Variants in TTBK1 observed in about 807,000 individuals in gnomAD.
TTBK1 encodes the protein tau tubulin kinase 1.
In TTBK1, 34 loss-of-function variants were observed where a neutral mutation model predicts 108.5. The observed-to-expected ratio is 0.31, with a 90% CI of 0.24 to 0.42. The LOEUF (loss-of-function observed/expected upper bound fraction) is 0.42. Ranked by LOEUF, TTBK1 falls within the 10% of genes least tolerant of loss-of-function variation. TTBK1 has a pLI of 1.00. For missense variants in TTBK1, 1,539 were observed against 1,826.0 expected, an observed-to-expected ratio of 0.84 and a Z score of 2.86; for synonymous variants, 809 against 795.1, an observed-to-expected ratio of 1.02 and a Z score of -0.29.
At chr6:43,248,540 C>T (rs1454588976) in intron 2 of TTBK1, among the ~76,000 whole-genome samples, 4 of 152,026 alleles carry the variant, frequency 2.6e-5, no homozygotes, top group Admixed American at 2.6e-4. Context: ...CTGGCCAACA[C>T]GGTGAAACCT....
At position 43,253,859 on chromosome 6, in the gene TTBK1, C is replaced by A; in HGVS notation, c.471+151C>A. Reference sequence around the variant, plus strand: ...CCCAAGCCCCTCCTGCTCTCCTTCCCAGGCCCCATCTCTTCCTCTCCCGTG... The same window carrying A: ...CCCAAGCCCCTCCTGCTCTCCTTCCAAGGCCCCATCTCTTCCTCTCCCGTG... On this transcript the variant is annotated intron_variant, in intron 5 of 14. Coordinates refer to ENST00000259750, the MANE Select transcript of TTBK1 (RefSeq NM_032538.3). This position sits in a 1 kb window ranked among gnomAD's most constrained non-coding sequence, Gnocchi z 5.8. 1 of 1,069,582 alleles carries A rather than the reference C, an allele frequency of 9.3e-7. No individual in the cohort carries two copies. The highest frequency in any genetic ancestry group is 1.3e-6 in the Non-Finnish European group (1 of 767,610). 66.3% of individuals were successfully genotyped at this position (1,069,582 alleles called of 1,614,324 possible).
In TTBK1 at chr6:43,285,168, C is replaced by G. The variant is rs201901651; in HGVS notation, c.3758C>G (p.Ser1253Cys). The change falls in exon 15 of 15, where the codon TCC (serine) becomes TGC (cysteine). Residue 1253 changes from serine (S) to cysteine (C), a missense_variant. By Grantham distance (112) the Ser-to-Cys change is moderately radical. Around this residue, in one of 5 missense-constraint regions of TTBK1, gnomAD observed 1,055 missense variants for 1,086.5 expected, o/e 0.97. Coordinates refer to ENST00000259750, the MANE Select transcript of TTBK1 (RefSeq NM_032538.3). This position sits in a 1 kb window ranked among gnomAD's most constrained non-coding sequence, Gnocchi z 4.7. ...RNASASPRSQ[S>C]LSRRESPSPS... ...GCCAGCGCGTCCCCCCGGAGCCAGTCCCTGTCCCGCAGAGAGAGCCCCTCC... is the reference window on the plus strand; with the variant it reads ...GCCAGCGCGTCCCCCCGGAGCCAGTGCCTGTCCCGCAGAGAGAGCCCCTCC... The G allele has an allele frequency of 4.3e-6, 6 of 1,400,882 alleles. No homozygotes were observed. In the East Asian group the frequency reaches 1.8e-4, roughly 43 times the overall value. The allele number at this position is 1,400,882 out of a possible 1,614,324, so 86.8% of individuals were successfully genotyped here.
intron 2 of TTBK1, among the ~76,000 whole-genome samples, chr6:43,251,399 C>T (rs1777235917): frequency 6.6e-6 from 1 of 152,226 alleles, no homozygotes; most frequent in Admixed American, 6.5e-5. Flanking sequence ...AGGCAGCTCC[C>T]CGAGGGGGTG....
rs1435157195 is a variant in TTBK1, at chr6:43,282,797, A to G, written c.2057A>G (p.Gln686Arg). ...GCTGTGCCTCTGAGTCTGCCCTACC[A>G]GGACTTCAAAAGAGACCTCTCCGAT... ...PRAVPLSLPY[Q>R]DFKRDLSDYR... is the part of the protein sequence containing the mutation. Residue 686 changes from glutamine to arginine, a missense_variant, in exon 14 of 15, where the codon CAG (glutamine) becomes CGG (arginine). Gln to Arg is a conservative substitution (Grantham distance 43, BLOSUM62 1). Around this residue, in one of 5 missense-constraint regions of TTBK1, gnomAD observed 1,055 missense variants for 1,086.5 expected, o/e 0.97. Coordinates refer to ENST00000259750, the MANE Select transcript of TTBK1 (RefSeq NM_032538.3). This position sits in a 1 kb window ranked among gnomAD's most constrained non-coding sequence, Gnocchi z 5.4. 6.2e-7 allele frequency: 1 copy of G among 1,613,984 alleles called. No homozygotes were observed. The highest frequency in any genetic ancestry group is 8.5e-7 in the Non-Finnish European group (1 of 1,179,960).
rs755972016 is a variant in TTBK1, at chr6:43,285,066, G to A, written c.3656G>A (p.Gly1219Glu). The change falls in exon 15 of 15, where the codon GGG (glycine) becomes GAG (glutamate). Residue 1219 changes from glycine (G) to glutamate (E), a missense_variant. This residue lies in a region of TTBK1 where 1,055 missense variants were observed against 1,086.5 expected (regional missense o/e 0.97). Coordinates refer to ENST00000259750, the MANE Select transcript of TTBK1 (RefSeq NM_032538.3). This position sits in a 1 kb window ranked among gnomAD's most constrained non-coding sequence, Gnocchi z 4.7. ...CCTCCTGGCCGCGGCCTGGGCCCAG[G>A]GCGAGCCCAAGCCGGAGCCAGGCCC... ...KQPPGRGLGPGRAQAGARPPA... is the reference protein window; with the variant it reads ...KQPPGRGLGPERAQAGARPPA... 7.3e-6 allele frequency: 11 copies of A among 1,500,916 alleles called. No homozygotes were observed. In the South Asian group the frequency reaches 1.2e-4, roughly 17 times the overall value. 93.0% of individuals were successfully genotyped at this position (1,500,916 alleles called of 1,614,324 possible). A position where few individuals can be genotyped will look rare whatever the true frequency, so the allele number is the denominator to read the frequency against.
chr6:43,285,265 C>T lies in TTBK1; in HGVS notation c.3855C>T (p.Gly1285=). 7.7e-7 allele frequency: 1 copy of T among 1,293,506 alleles called. No homozygotes were observed. Among genetic ancestry groups the T allele is most frequent in the Non-Finnish European group, 9.8e-7 (1 of 1,024,444 alleles). The allele number at this position is 1,293,506 out of a possible 1,614,324, so 80.1% of individuals were successfully genotyped here. ...GVPPARAQPD[G]TPSPGGSKKG... is the part of the protein sequence containing the mutation. ...CGCCGGCCCGGGCCCAGCCTGATGG[C>T]ACCCCCTCCCCCGGGGGCTCCAAGA... Residue 1285 remains glycine, a synonymous_variant, in exon 15 of 15, where the codon GGC becomes GGT. Transcript: ENST00000259750. The surrounding 1 kb of genome is among the most constrained non-coding windows in gnomAD (Gnocchi z 4.7).
chr6:43,271,866 G>GCCCCAC, intron 13 of TTBK1: 6 of 979,726 alleles, frequency 6.1e-6, no homozygotes, highest in Non-Finnish European at 7.3e-6. Flanking sequence ...TAATACTTGT[G>GCCCCAC]CCCCACCCCC....
chr6:43,258,032 C>T, intron 10 of TTBK1, 66 bp downstream of exon 10: 2 of 1,520,166 alleles, frequency 1.3e-6, no homozygotes, highest in Non-Finnish European at 8.9e-7. Flanking sequence ...GCAGGCGGTC[C>T]TCTCCTCTCC....
In TTBK1 at chr6:43,276,918, C is replaced by T. The variant is rs554379627; in HGVS notation, c.1987-5809C>T. On this transcript the variant is annotated intron_variant, in intron 13 of 14. Transcript: ENST00000259750. The surrounding 1 kb of genome is among the most constrained non-coding windows in gnomAD (Gnocchi z 5.4). ...GTCACCCTTGCCCTGCTGGCAGTCT[C>T]CTTTCACTGAACGGGTGGGGAGGGA... 5.3e-4 allele frequency among the ~76,000 whole-genome samples: 80 copies of T among 152,290 alleles called. No homozygotes were observed. Among genetic ancestry groups the T allele is most frequent in the Non-Finnish European group, 1.1e-3 (72 of 68,022 alleles).
chr6:43,276,527 G>A lies in TTBK1; in HGVS notation c.1987-6200G>A, dbSNP rs995130797. Reference sequence around the variant, plus strand: ...CACCCACGCGCACACGGCCGCGCACGGGCGGGGAGGGGGCGCCCCGCCGTC... The same window carrying A: ...CACCCACGCGCACACGGCCGCGCACAGGCGGGGAGGGGGCGCCCCGCCGTC... On this transcript the variant is annotated intron_variant, in intron 13 of 14. Coordinates refer to ENST00000259750, the MANE Select transcript of TTBK1 (RefSeq NM_032538.3). This position sits in a 1 kb window ranked among gnomAD's most constrained non-coding sequence, Gnocchi z 5.4. Among the ~76,000 whole-genome samples, 5 of 152,052 alleles carry A rather than the reference G, an allele frequency of 3.3e-5. No individual in the cohort carries two copies. The highest frequency in any genetic ancestry group is 7.4e-5 in the Non-Finnish European group (5 of 67,978).
chr6:43,251,036 C>G (rs1777224772), intron 2 of TTBK1, among the ~76,000 whole-genome samples: 1 of 152,202 alleles, frequency 6.6e-6, no homozygotes, highest in Non-Finnish European at 1.5e-5. Context: ...CACTGTTCTT[C>G]CTCCTTCCTC....
chr6:43,251,922 T>A (rs1166669850), intron 2 of TTBK1, among the ~76,000 whole-genome samples: 1 of 152,142 alleles, frequency 6.6e-6, no homozygotes, highest in Non-Finnish European at 1.5e-5. Flanking sequence ...TTCTTGTGAC[T>A]CTTGGGTGGT....
intron 13 of TTBK1, chr6:43,270,951 G>T: frequency 1.0e-6 from 1 of 985,504 alleles, no homozygotes; most frequent in South Asian, 4.7e-5. Flanking sequence ...AAGGGCGGTG[G>T]TGAAGACACA....
intron 13 of TTBK1, among the ~76,000 whole-genome samples, chr6:43,279,699 T>C (rs761190565): frequency 3.7e-4 from 56 of 152,324 alleles, no homozygotes; most frequent in Non-Finnish European, 7.2e-4. Context: ...ACGAATATTG[T>C]GCAGAAAAAG....
rs1394004630 is a variant in TTBK1 at position 43,269,690 on chromosome 6, C to T, written c.1986+6340C>T. 2 of 1,611,284 alleles carry T rather than the reference C, an allele frequency of 1.2e-6. No homozygotes were observed. The highest frequency in any genetic ancestry group is 2.7e-5 in the African/African-American group (2 of 75,046). ...GGCACTCCCTCCCGCGGTACAGCCC[C>T]CTGCGACGACTGGCGTCCTCCGTGT... On this transcript the variant is annotated intron_variant, in intron 13 of 14. Transcript: ENST00000259750. This position sits in a 1 kb window ranked among gnomAD's most constrained non-coding sequence, Gnocchi z 4.8.
chr6:43,269,518 G>C lies in TTBK1; in HGVS notation c.1986+6168G>C. 1 of 1,157,310 alleles carries C rather than the reference G, an allele frequency of 8.6e-7. No individual in the cohort carries two copies. The highest frequency in any genetic ancestry group is 1.2e-6 in the Non-Finnish European group (1 of 854,260). 71.7% of individuals were successfully genotyped at this position (1,157,310 alleles called of 1,614,324 possible). A position where few individuals can be genotyped will look rare whatever the true frequency, so the allele number is the denominator to read the frequency against. ...GTTTGCACCCTCCTCCACCCTGCCT[G>C]ACCCCGCCCACTTGCCCGGGACGCC... is the stretch of plus-strand genomic sequence containing the variant. On this transcript the variant is annotated intron_variant, in intron 13 of 14. Coordinates refer to ENST00000259750, the MANE Select transcript of TTBK1 (RefSeq NM_032538.3). This position sits in a 1 kb window ranked among gnomAD's most constrained non-coding sequence, Gnocchi z 4.8.
intron 13 of TTBK1, chr6:43,271,949 T>C: frequency 1.0e-6 from 1 of 984,034 alleles, no homozygotes; most frequent in Non-Finnish European, 1.2e-6. Flanking sequence ...CTGTTTTGGA[T>C]GGCTTTGCAC....
chr6:43,271,302 G>A lies in TTBK1; in HGVS notation c.1986+7952G>A, dbSNP rs753227263. Reference sequence around the variant, plus strand: ...CATAAGAGTGTGCTTACGAATGAGCGTTTGTGCATGTGGAAGGGCTGCCAT... The same window carrying A: ...CATAAGAGTGTGCTTACGAATGAGCATTTGTGCATGTGGAAGGGCTGCCAT... On this transcript the variant is annotated intron_variant, in intron 13 of 14. Coordinates refer to ENST00000259750, the MANE Select transcript of TTBK1 (RefSeq NM_032538.3). 173 of 985,350 alleles carry A rather than the reference G, an allele frequency of 1.8e-4. 1 individual carries two copies. Among genetic ancestry groups the A allele is most frequent in the Non-Finnish European group, 1.9e-4 (160 of 829,946 alleles). 61.0% of individuals were successfully genotyped at this position (985,350 alleles called of 1,614,324 possible).
chr6:43,251,582 T>A (rs570937124), intron 2 of TTBK1, among the ~76,000 whole-genome samples: 11 of 152,296 alleles, frequency 7.2e-5, no homozygotes, highest in Non-Finnish European at 5.9e-5. Flanking sequence ...GCCTCTGAGC[T>A]GAAATGATTT....
Sources: allele counts gnomAD v4.1 joint callset (sites outside exome capture counted in the v4.1 genomes callset), GRCh38; gene constraint gnomAD v4.1.1; regional missense constraint gnomAD v4.1.1; non-coding constraint Gnocchi (gnomAD v3.1); transcripts MANE v1.5; gene names NCBI Gene and HGNC (gene_info 2026-07-23, HGNC 2026-07-21).